HIPK3: variants seen among roughly 807,000 people sequenced by gnomAD.
HIPK3 encodes the protein homeodomain-interacting protein kinase 3.
Under a neutral mutation model 124.2 loss-of-function variants are expected in HIPK3, and 47 were observed. The observed-to-expected ratio is 0.38, with a 90% CI of 0.30 to 0.48. HIPK3 has a LOEUF of 0.48. Among genes scored for constraint, HIPK3 ranks in the 20% least tolerant of loss-of-function variants. HIPK3 has a pLI of 0.98. For synonymous variants in HIPK3, 482 were observed against 515.2 expected (o/e 0.94, Z 0.87); for missense variants, 1,286 against 1,454.3 (o/e 0.88, Z 1.88).
rs1206814746 is a variant in HIPK3, at chr11:33,355,589, T to A, written c.*2021T>A. 1 of 152,070 alleles carries A rather than the reference T, an allele frequency of 6.6e-6. No individual in the cohort carries two copies. Among genetic ancestry groups the A allele is most frequent in the African/African-American group, 2.4e-5 (1 of 41,442 alleles). 9.4% of individuals were successfully genotyped at this position (152,070 alleles called of 1,614,324 possible). ...TTGTATACCACTAGTACAGCTCTAG[T>A]ACAGCGTTCACAATAAGCTAATAAT... On this transcript the variant is annotated 3_prime_UTR_variant, in exon 17 of 17. Transcript: ENST00000303296.
chr11:33,327,010 TTA>T (rs1328563889), intron 2 of HIPK3, among the ~76,000 whole-genome samples: 2 of 152,042 alleles, frequency 1.3e-5, no homozygotes, highest in African/African-American at 4.8e-5. Flanking sequence ...AAATAAGTAA[TTA>T]TAGTCATGGA....
chr11:33,349,382 C>T (rs1853592988), intron 14 of HIPK3, 95 bp downstream of exon 14: 5 of 966,646 alleles, frequency 5.2e-6, no homozygotes, highest in African/African-American at 3.3e-5. Flanking sequence ...TGCCAGTTTA[C>T]CACAGTGACT....
chr11:33,319,076 T>A (rs1852587992), intron 2 of HIPK3, among the ~76,000 whole-genome samples: 1 of 152,228 alleles, frequency 6.6e-6, no homozygotes. Flanking sequence ...TCAGAAACAA[T>A]GATTTATTAT....
intron 2 of HIPK3, among the ~76,000 whole-genome samples, chr11:33,321,488 G>T (rs1164392390): frequency 1.3e-5 from 2 of 152,082 alleles, no homozygotes; most frequent in African/African-American, 4.8e-5. Flanking sequence ...AATGAGGGTG[G>T]GAAATTGGAG....
intron 1 of HIPK3, among the ~76,000 whole-genome samples, chr11:33,264,485 T>A (rs1235127158): frequency 6.6e-6 from 1 of 151,982 alleles, no homozygotes; most frequent in African/African-American, 2.4e-5. Context: ...AAAAACAGTT[T>A]AGATTTGATA....
intron 2 of HIPK3, among the ~76,000 whole-genome samples, chr11:33,295,959 C>T (rs1389909488): frequency 6.6e-6 from 1 of 152,150 alleles, no homozygotes; most frequent in Non-Finnish European, 1.5e-5. Context: ...ATCTTGTATT[C>T]ACTGACCAAT....
chr11:33,325,680 T>C (rs1260341328), intron 2 of HIPK3, among the ~76,000 whole-genome samples: 1 of 152,218 alleles, frequency 6.6e-6, no homozygotes, highest in Non-Finnish European at 1.5e-5. Context: ...TTGAAATGAT[T>C]TATTTGAGAA....
chr11:33,337,082 A>T lies in HIPK3; in HGVS notation c.1229A>T (p.Tyr410Phe), dbSNP rs1853171743. 1.3e-6 allele frequency: 2 copies of T among 1,595,184 alleles called. No individual in the cohort carries two copies. Among genetic ancestry groups the T allele is most frequent in the Admixed American group, 3.6e-5 (2 of 56,136 alleles). ...CTGTAAATTATTTTTCAGATTCGAT[A>T]CATTTCTCAGACTCAAGGTTTGCCA... ...PGALEYDQIR[Y>F]ISQTQGLPGE... Residue 410 changes from tyrosine to phenylalanine, a missense_variant, in exon 4 of 17, where the codon TAC (tyrosine) becomes TTC (phenylalanine). This residue lies in a region of HIPK3 where 251 missense variants were observed against 349.1 expected (regional missense o/e 0.72). Coordinates refer to ENST00000303296, the MANE Select transcript of HIPK3 (RefSeq NM_005734.5).
At chr11:33,305,735 G>T (rs1852137587) in intron 2 of HIPK3, among the ~76,000 whole-genome samples, 1 of 152,072 alleles carries the variant, frequency 6.6e-6, no homozygotes, top group African/African-American at 2.4e-5. Context: ...CACCAAATCT[G>T]GTGGATTTTT....
At chr11:33,274,215 A>T (rs187605600) in intron 1 of HIPK3, among the ~76,000 whole-genome samples, 19 of 152,252 alleles carry the variant, frequency 1.2e-4, no homozygotes, top group African/African-American at 3.9e-4. Context: ...CTAGGATTCC[A>T]GTTTACCTGT....
intron 7 of HIPK3, 41 bp from the exon 8 acceptor site, chr11:33,341,522 C>A: frequency 6.5e-7 from 1 of 1,527,368 alleles, no homozygotes; most frequent in South Asian, 1.3e-5. Context: ...GTGTATATTT[C>A]ATTTAGAAGA....
At chr11:33,349,979 G>T (rs12804772) in intron 14 of HIPK3, among the ~76,000 whole-genome samples, 44,192 of 151,842 alleles carry the variant, frequency 0.29, 7,306 homozygotes, top group Middle Eastern at 0.43. Context: ...AGGACATGCT[G>T]GTCTTGAACT....
chr11:33,337,342 A>AT (rs1428509225), intron 4 of HIPK3, 148 bp downstream of exon 4: 2 of 441,808 alleles, frequency 4.5e-6, no homozygotes, highest in Non-Finnish European at 7.6e-6. Flanking sequence ...ATTTTATTTT[A>AT]TTTTTTTCAA....
At chr11:33,325,786 C>T (rs1023130076) in intron 2 of HIPK3, among the ~76,000 whole-genome samples, 1 of 152,088 alleles carries the variant, frequency 6.6e-6, no homozygotes, top group Non-Finnish European at 1.5e-5. Context: ...TTTTTTGGTA[C>T]AATATTGTGA....
At chr11:33,342,844 C>A (rs144361963) in intron 8 of HIPK3, among the ~76,000 whole-genome samples, 1 of 152,330 alleles carries the variant, frequency 6.6e-6, no homozygotes, top group East Asian at 1.9e-4. Context: ...CCATACCTGG[C>A]TGGCTATACA....
chr11:33,301,821 GACACACACAC>G (rs143389257), intron 2 of HIPK3, among the ~76,000 whole-genome samples: 37 of 127,466 alleles, frequency 2.9e-4, no homozygotes, highest in African/African-American at 4.4e-4. Flanking sequence ...AACCCTGTCT[GACACACACAC>G]ACACACACAC....
chr11:33,257,310 GGGCGGTGGCGCTGCGGA>G (rs1242122518), upstream of HIPK3: 2 of 983,482 alleles, frequency 2.0e-6, no homozygotes, highest in East Asian at 1.1e-4. Flanking sequence ...GCTGCCGGGC[GGGCGGTGGCGCTGCGGA>G]GGCGGTGGCC....
At chr11:33,317,758 G>T (rs1469186250) in intron 2 of HIPK3, among the ~76,000 whole-genome samples, 1 of 152,074 alleles carries the variant, frequency 6.6e-6, no homozygotes, top group African/African-American at 2.4e-5. Context: ...AACCACTTTA[G>T]GTCTTTGCTG....
intron 2 of HIPK3, among the ~76,000 whole-genome samples, chr11:33,298,574 T>A (rs886219759): frequency 1.3e-5 from 2 of 152,228 alleles, no homozygotes; most frequent in Non-Finnish European, 2.9e-5. Context: ...TTGAAAACCT[T>A]CTGGAAAGGA....
Sources: allele counts gnomAD v4.1 joint callset (sites outside exome capture counted in the v4.1 genomes callset), GRCh38; gene constraint gnomAD v4.1.1; regional missense constraint gnomAD v4.1.1; transcripts MANE v1.5; gene names NCBI Gene and HGNC (gene_info 2026-07-23, HGNC 2026-07-21).